Variants in PRKCZ observed in about 807,000 individuals in gnomAD.
PRKCZ encodes the protein protein kinase C zeta, also known as protein kinase C zeta type.
A neutral mutation model predicts 79.5 loss-of-function variants in PRKCZ; 33 were observed. That is an observed-to-expected ratio of 0.41 (90% CI 0.31 to 0.55). The LOEUF is 0.55. Ranked by LOEUF, PRKCZ falls within the 20% of genes least tolerant of loss-of-function variation. The pLI, the probability that PRKCZ is intolerant of heterozygous loss-of-function variation, is 0.19. For missense variants in PRKCZ, 578 were observed against 813.5 expected (o/e 0.71, Z 3.52); for synonymous variants, 342 against 320.9 (o/e 1.07, Z -0.70).
At chr1:2,054,705 T>A (rs973337294) in intron 1 of PRKCZ, among the ~76,000 whole-genome samples, 1 of 152,036 alleles carries the variant, frequency 6.6e-6, no homozygotes, top group Non-Finnish European at 1.5e-5. Context: ...ACCGTCGAGG[T>A]CTGGGGGCAG....
In PRKCZ at chr1:2,184,383, G is replaced by T. The variant is rs61343432; in HGVS notation, c.1576-200G>T. ...GCATGGCCGACACTGGCATTTCTCA[G>T]CTCGACAACAATTTTTCTGACTTTG... On this transcript the variant is annotated intron_variant, in intron 16 of 17. Transcript: ENST00000378567. 3.5e-3 allele frequency: 1,896 copies of T among 539,010 alleles called. 42 individuals carry two copies. The highest frequency in any genetic ancestry group is 0.032 in the African/African-American group (1,677 of 52,328). The allele number at this position is 539,010 out of a possible 1,614,324, so 33.4% of individuals were successfully genotyped here. A position where few individuals can be genotyped will look rare whatever the true frequency, so the allele number is the denominator to read the frequency against.
rs934358415 is a variant in PRKCZ, at chr1:2,168,142, G to C, written c.975-1376G>C. Reference sequence around the variant, plus strand: ...ACCGGGGATTGGCAAACTTTTTCTTGAAGGGCCCAAGAGTAGACATTTTTG... The same window carrying C: ...ACCGGGGATTGGCAAACTTTTTCTTCAAGGGCCCAAGAGTAGACATTTTTG... On this transcript the variant is annotated intron_variant, in intron 10 of 17. Coordinates refer to ENST00000378567, the MANE Select transcript of PRKCZ (RefSeq NM_002744.6). This position sits in a 1 kb window ranked among gnomAD's most constrained non-coding sequence, Gnocchi z 4.7. Among the ~76,000 whole-genome samples, 2 of 152,124 alleles carry C rather than the reference G, an allele frequency of 1.3e-5. No homozygotes were observed. The highest frequency in any genetic ancestry group is 6.5e-5 in the Admixed American group (1 of 15,284).
Position 2,170,646 on chromosome 1 carries a change from T to G in PRKCZ, c.1061+1042T>G, listed in dbSNP as rs118019790. 1.7e-3 allele frequency among the ~76,000 whole-genome samples: 266 copies of G among 152,194 alleles called. 8 individuals carry two copies. The East Asian group carries it at 0.046, about 26-fold the overall frequency. Reference sequence around the variant, plus strand: ...TGGCCCATCAGACACTCCCTCCCTGTCCCCCGCCCCAGCCTCACATCCTCA... The same window carrying G: ...TGGCCCATCAGACACTCCCTCCCTGGCCCCCGCCCCAGCCTCACATCCTCA... On this transcript the variant is annotated intron_variant, in intron 11 of 17. Coordinates refer to ENST00000378567, the MANE Select transcript of PRKCZ (RefSeq NM_002744.6).
chr1:2,068,616 GT>G (rs1369861539), intron 4 of PRKCZ, among the ~76,000 whole-genome samples: 2 of 152,238 alleles, frequency 1.3e-5, no homozygotes, highest in African/African-American at 4.8e-5. Flanking sequence ...AGCTTCTGGA[GT>G]AGGACATGGA....
At chr1:2,101,998 GC>G (rs1187497169) in intron 4 of PRKCZ, among the ~76,000 whole-genome samples, 1 of 152,176 alleles carries the variant, frequency 6.6e-6, no homozygotes, top group Non-Finnish European at 1.5e-5. Flanking sequence ...GGGTCCTGGG[GC>G]CTTTTCACGA....
At chr1:2,112,648 G>A (rs921402341) in intron 4 of PRKCZ, among the ~76,000 whole-genome samples, 2 of 151,758 alleles carry the variant, frequency 1.3e-5, no homozygotes, top group African/African-American at 4.8e-5. Context: ...GAAACTTGCT[G>A]GAGTTGCAGT....
intron 5 of PRKCZ, among the ~76,000 whole-genome samples, chr1:2,136,515 G>A (rs945402182): frequency 1.3e-5 from 2 of 152,124 alleles, no homozygotes; most frequent in African/African-American, 2.4e-5. Context: ...CAGGAGCACC[G>A]AGGATGTGGC....
intron 4 of PRKCZ, chr1:2,073,479 A>G: frequency 2.9e-6 from 1 of 350,272 alleles, no homozygotes; most frequent in Non-Finnish European, 4.0e-6. Flanking sequence ...GCCAACCTGC[A>G]GGACCCCGGG....
chr1:2,180,503 C>T (rs1032492976), intron 16 of PRKCZ, among the ~76,000 whole-genome samples: 4 of 150,264 alleles, frequency 2.7e-5, no homozygotes, highest in African/African-American at 7.5e-5. Flanking sequence ...CGCGGACGCA[C>T]AGATGACGTG....
chr1:2,127,230 G>A lies in PRKCZ; in HGVS notation c.335-8032G>A, dbSNP rs1447441178. On this transcript the variant is annotated intron_variant, in intron 4 of 17. Transcript: ENST00000378567. The surrounding 1 kb of genome is among the most constrained non-coding windows in gnomAD (Gnocchi z 5.1). ...TGGTGCCCAAAACCTTTTCCAAGTC[G>A]TCTTCTGTGACTTTAGTGTTATTCT... Among the ~76,000 whole-genome samples the A allele has an allele frequency of 2.6e-5, 4 of 152,222 alleles. No homozygotes were observed. Among genetic ancestry groups the A allele is most frequent in the Non-Finnish European group, 4.4e-5 (3 of 68,044 alleles).
intron 4 of PRKCZ, among the ~76,000 whole-genome samples, chr1:2,131,170 G>A (rs973859546): frequency 1.3e-5 from 2 of 152,164 alleles, no homozygotes; most frequent in African/African-American, 2.4e-5. Flanking sequence ...TCCCCGTGGC[G>A]CCTGGAGCTG....
chr1:2,176,562 A>G (rs945543661), intron 16 of PRKCZ, among the ~76,000 whole-genome samples: 4 of 152,072 alleles, frequency 2.6e-5, no homozygotes, highest in African/African-American at 7.2e-5. Context: ...TTTAAAATAC[A>G]CTCTCAAGGA....
chr1:2,144,468 C>T, intron 6 of PRKCZ, 127 bp downstream of exon 6: 3 of 1,472,518 alleles, frequency 2.0e-6, no homozygotes, highest in Admixed American at 2.3e-5. Flanking sequence ...CGTCCTAGCT[C>T]TGGGCTGCAG....
intron 11 of PRKCZ, 47 bp downstream of exon 11, chr1:2,169,651 A>C (rs1557729408): frequency 1.3e-5 from 7 of 558,624 alleles, no homozygotes; most frequent in South Asian, 1.9e-5. Context: ...GGAGTTGGGG[A>C]TGGGTGGGTG....
At chr1:2,052,633 TC>T (rs1233092278) in intron 1 of PRKCZ, among the ~76,000 whole-genome samples, 1 of 151,796 alleles carries the variant, frequency 6.6e-6, no homozygotes, top group Non-Finnish European at 1.5e-5. Context: ...AGTACCCTTC[TC>T]CCCGTTCTGG....
intron 4 of PRKCZ, among the ~76,000 whole-genome samples, chr1:2,121,591 AGGTCACAGCAGTAATTAG>A: frequency 6.8e-5 from 1 of 14,708 alleles, no homozygotes; most frequent in African/African-American, 2.6e-4. Context: ...GTGGTAGTTA[AGGTCACAGCAGTAATTAG>A]GGTCATGGTG....
At chr1:2,150,145 G>C (rs1679571501) in intron 8 of PRKCZ, among the ~76,000 whole-genome samples, 1 of 139,138 alleles carries the variant, frequency 7.2e-6, no homozygotes, top group African/African-American at 2.8e-5. Flanking sequence ...CTGGGCGACA[G>C]AGCCAGACTC....
At chr1:2,167,883 GCCT>G (rs34571180) in intron 10 of PRKCZ, among the ~76,000 whole-genome samples, 58,086 of 151,806 alleles carry the variant, frequency 0.38, 11,116 homozygotes, top group Admixed American at 0.42. Flanking sequence ...GGGATTACAG[GCCT>G]CGTGAGCCAC....
chr1:2,161,360 C>T (rs1337480350), intron 10 of PRKCZ, among the ~76,000 whole-genome samples: 1 of 152,254 alleles, frequency 6.6e-6, no homozygotes, highest in African/African-American at 2.4e-5. Flanking sequence ...AGGGGCCTGG[C>T]AGGAGCCAGG....
Sources: allele counts gnomAD v4.1 joint callset (sites outside exome capture counted in the v4.1 genomes callset), GRCh38; gene constraint gnomAD v4.1.1; non-coding constraint Gnocchi (gnomAD v3.1); transcripts MANE v1.5; gene names NCBI Gene and HGNC (gene_info 2026-07-23, HGNC 2026-07-21).